Variants in SLC35F4 observed in about 807,000 individuals in gnomAD.
The protein encoded by SLC35F4 is chromosome 14 open reading frame 36.
SLC35F4 carries 24 observed loss-of-function variants against 44.2 expected under a neutral mutation model. The ratio of observed to expected loss-of-function variants is 0.54; its 90% CI spans 0.39 to 0.76. The LOEUF (loss-of-function observed/expected upper bound fraction) is 0.76, where lower values mean the gene tolerates loss of function less well. Ranked by LOEUF, SLC35F4 falls within the 30% of genes least tolerant of loss-of-function variation. The pLI, the probability that SLC35F4 is intolerant of heterozygous loss-of-function variation, is 0.00. For synonymous variants in SLC35F4, 238 were observed against 223.6 expected, an observed-to-expected ratio of 1.06 and a Z score of -0.57; for missense variants, 562 against 586.1, an observed-to-expected ratio of 0.96 and a Z score of 0.42.
intron 1 of SLC35F4, among the ~76,000 whole-genome samples, chr14:57,607,075 G>A (rs976583499): frequency 3.9e-5 from 6 of 152,152 alleles, no homozygotes; most frequent in South Asian, 4.1e-4. Flanking sequence ...GCTAAATGCC[G>A]AGTGGGTGGA....
chr14:57,706,278 C>A (rs73288263), intron 1 of SLC35F4, among the ~76,000 whole-genome samples: 2,917 of 152,238 alleles, frequency 0.019, 85 homozygotes, highest in African/African-American at 0.061. Context: ...AGATTGCAGT[C>A]TAGTCTTCTT....
intron 1 of SLC35F4, among the ~76,000 whole-genome samples, chr14:57,718,802 T>C (rs999781319): frequency 5.3e-5 from 8 of 152,192 alleles, no homozygotes; most frequent in African/African-American, 1.9e-4. Context: ...GTCTCTTCAC[T>C]TTGTTGATTG....
At chr14:57,978,782 G>C (rs1052972647) in intron 1 of SLC35F4, among the ~76,000 whole-genome samples, 3 of 152,130 alleles carry the variant, frequency 2.0e-5, no homozygotes, top group Non-Finnish European at 2.9e-5. Context: ...TATACATCCT[G>C]ATCCATGAAA....
At chr14:57,802,543 GA>G (rs1422329444) in intron 1 of SLC35F4, among the ~76,000 whole-genome samples, 7 of 150,944 alleles carry the variant, frequency 4.6e-5, no homozygotes, top group African/African-American at 1.7e-4. Flanking sequence ...TTCAGTTTTT[GA>G]AAAAAATTAA....
At chr14:57,632,143 A>ATT (rs201353185) in intron 1 of SLC35F4, among the ~76,000 whole-genome samples, 1 of 148,974 alleles carries the variant, frequency 6.7e-6, no homozygotes, top group Non-Finnish European at 1.5e-5. Context: ...TGCAGGTTTA[A>ATT]TTTTTTTTTT....
chr14:57,952,091 C>G (rs1302388937), intron 1 of SLC35F4, among the ~76,000 whole-genome samples: 2 of 152,208 alleles, frequency 1.3e-5, no homozygotes, highest in African/African-American at 4.8e-5. Flanking sequence ...AAGGAAGGAA[C>G]AGGCAGCAAT....
At chr14:57,687,071 G>C (rs149864251) in intron 1 of SLC35F4, among the ~76,000 whole-genome samples, 1 of 152,150 alleles carries the variant, frequency 6.6e-6, no homozygotes, top group Non-Finnish European at 1.5e-5. Context: ...CAGTGAGAAG[G>C]TTGCCATCTA....
At chr14:57,816,229 A>T (rs10133835) in intron 1 of SLC35F4, among the ~76,000 whole-genome samples, 41 of 152,260 alleles carry the variant, frequency 2.7e-4, no homozygotes, top group African/African-American at 9.9e-4. Context: ...TTCATAACAC[A>T]ACGTAATGTC....
chr14:57,953,160 A>G (rs111720150), intron 1 of SLC35F4, among the ~76,000 whole-genome samples: 13,155 of 152,250 alleles, frequency 0.086, 764 homozygotes, highest in African/African-American at 0.15. Flanking sequence ...AGTAATTTTC[A>G]ACCCAGAATA....
rs1885291036 is a variant in SLC35F4 at position 57,839,598 on chromosome 14, AG to A, written c.103+26124del. 2.6e-5 allele frequency among the ~76,000 whole-genome samples: 4 copies of A among 152,096 alleles called. No individual in the cohort carries two copies. In the South Asian group the frequency reaches 8.3e-4, roughly 31 times the overall value. On this transcript the variant is annotated intron_variant, in intron 1 of 7. Coordinates refer to ENST00000556826, the MANE Select transcript of SLC35F4 (RefSeq NM_001306087.2). ...GAAAAACACACACTGGGGCCTTTTC[AG>A]GGAGGCGGGGAGAGAGGGAGAGCAT...
At position 57,713,110 on chromosome 14, in the gene SLC35F4, A is replaced by G. The variant is rs139250276; in HGVS notation, c.104-118986T>C. Among the ~76,000 whole-genome samples the G allele has an allele frequency of 2.0e-3, 310 of 152,308 alleles. 2 individuals carry two copies. The highest frequency in any genetic ancestry group is 7.1e-3 in the African/African-American group (297 of 41,576). On this transcript the variant is annotated intron_variant, in intron 1 of 7. Transcript: ENST00000556826. ...AAATTCTGCTCATTCTCCCAATTAA[A>G]TGTTTCTAATCTCTCCACATTGCTC...
chr14:57,808,960 T>A (rs192254450), intron 1 of SLC35F4, among the ~76,000 whole-genome samples: 44 of 152,270 alleles, frequency 2.9e-4, no homozygotes, highest in Non-Finnish European at 4.6e-4. Context: ...AGAGCAGAAA[T>A]CTACAGGAGG....
At chr14:57,759,574 GA>G (rs889913498) in intron 1 of SLC35F4, among the ~76,000 whole-genome samples, 43 of 149,520 alleles carry the variant, frequency 2.9e-4, no homozygotes, top group African/African-American at 7.6e-4. Context: ...AGCAAAAAAA[GA>G]AAAAAAAAAT....
intron 1 of SLC35F4, among the ~76,000 whole-genome samples, chr14:57,970,408 A>G (rs1477910222): frequency 6.6e-6 from 1 of 152,180 alleles, no homozygotes; most frequent in African/African-American, 2.4e-5. Flanking sequence ...ATGTGGCCAG[A>G]TTCTAGGGTG....
chr14:57,931,837 A>G (rs1342912305), intron 1 of SLC35F4, among the ~76,000 whole-genome samples: 1 of 152,222 alleles, frequency 6.6e-6, no homozygotes, highest in Admixed American at 6.5e-5. Context: ...GCCCTAAGGA[A>G]ATAGTTCAAG....
At chr14:57,799,995 G>A (rs952298133) in intron 1 of SLC35F4, among the ~76,000 whole-genome samples, 1 of 152,180 alleles carries the variant, frequency 6.6e-6, no homozygotes, top group Non-Finnish European at 1.5e-5. Context: ...TAGCACAGCT[G>A]CCTTGCCAGC....
At chr14:57,812,299 C>G (rs1231617213) in intron 1 of SLC35F4, among the ~76,000 whole-genome samples, 1 of 152,158 alleles carries the variant, frequency 6.6e-6, no homozygotes, top group African/African-American at 2.4e-5. Context: ...CCTCCCACCT[C>G]CCTTTCAGAG....
intron 1 of SLC35F4, chr14:57,630,097 G>C: frequency 5.5e-6 from 3 of 545,218 alleles, no homozygotes; most frequent in South Asian, 4.1e-5. Context: ...TGATGCTGAA[G>C]ATGCTTACAT....
rs186230216 is a variant in SLC35F4 at position 57,771,607 on chromosome 14, T to G, written c.103+94116A>C. ...TAATTAATTTATTTACTTATTTATT[T>G]ATTTGAGACAGTGTCTCGCTCTATT... On this transcript the variant is annotated intron_variant, in intron 1 of 7. Coordinates refer to ENST00000556826, the MANE Select transcript of SLC35F4 (RefSeq NM_001306087.2). 1.6e-3 allele frequency among the ~76,000 whole-genome samples: 244 copies of G among 152,344 alleles called. 2 individuals are homozygous for G. Among genetic ancestry groups the G allele is most frequent in the African/African-American group, 5.6e-3 (233 of 41,574 alleles).
Sources: allele counts gnomAD v4.1 joint callset (sites outside exome capture counted in the v4.1 genomes callset), GRCh38; gene constraint gnomAD v4.1.1; transcripts MANE v1.5; gene names NCBI Gene and HGNC (gene_info 2026-07-23, HGNC 2026-07-21).